The following EZR variants were observed in gnomAD, a reference collection of about 807,000 sequenced individuals.
EZR encodes the protein cytovillin 2.
A neutral mutation model predicts 74.8 loss-of-function variants in EZR; 40 were observed. The observed-to-expected ratio is 0.53, with a 90% confidence interval of 0.42 to 0.70. The LOEUF (loss-of-function observed/expected upper bound fraction) is 0.70. EZR is among the 30% of genes least tolerant of loss of function. The pLI, the probability that EZR is intolerant of heterozygous loss-of-function variation, is 0.00. For missense variants in EZR, 678 were observed against 755.8 expected, an observed-to-expected ratio of 0.90 and a Z score of 1.21; for synonymous variants, 341 against 283.3, an observed-to-expected ratio of 1.20 and a Z score of -2.05.
chr6:158,805,509 G>T (rs1294077793), intron 2 of EZR, among the ~76,000 whole-genome samples: 1 of 152,048 alleles, frequency 6.6e-6, no homozygotes, highest in Non-Finnish European at 1.5e-5. Flanking sequence ...CATTTCTCCT[G>T]TAAGAAACTT....
intron 8 of EZR, among the ~76,000 whole-genome samples, chr6:158,775,462 AT>A (rs1791249807): frequency 6.6e-6 from 1 of 152,230 alleles, no homozygotes; most frequent in Non-Finnish European, 1.5e-5. Flanking sequence ...TTCTAAGTGG[AT>A]TTACCATTGC....
intron 2 of EZR, among the ~76,000 whole-genome samples, chr6:158,791,322 C>A (rs942967467): frequency 1.3e-5 from 2 of 152,144 alleles, no homozygotes; most frequent in Non-Finnish European, 2.9e-5. Flanking sequence ...AATATAAAAA[C>A]CTACTTTTCT....
chr6:158,779,864 C>T (rs1039675980), intron 7 of EZR, among the ~76,000 whole-genome samples: 1 of 152,018 alleles, frequency 6.6e-6, no homozygotes, highest in African/African-American at 2.4e-5. Context: ...GTATGAGCCA[C>T]CATGCCCAGC....
intron 2 of EZR, among the ~76,000 whole-genome samples, chr6:158,807,314 CAA>C (rs56041297): frequency 0.27 from 37,027 of 136,270 alleles, 6,040 homozygotes; most frequent in African/African-American, 0.48. Context: ...GACTCCGTCT[CAA>C]AAAAAAAAAA....
chr6:158,790,511 T>C (rs1370776156), intron 2 of EZR, among the ~76,000 whole-genome samples: 4 of 152,108 alleles, frequency 2.6e-5, no homozygotes, highest in African/African-American at 7.2e-5. Context: ...CCTATCTCTA[T>C]TAAAAATACA....
chr6:158,796,090 G>A (rs1777064533), intron 2 of EZR, among the ~76,000 whole-genome samples: 1 of 152,148 alleles, frequency 6.6e-6, no homozygotes, highest in African/African-American at 2.4e-5. Context: ...GGGGACACAT[G>A]CCAATGGAAC....
At chr6:158,785,267 G>A (rs545440648) in intron 5 of EZR, 42 bp downstream of exon 5, 18 of 1,603,406 alleles carry the variant, frequency 1.1e-5, no homozygotes, top group Admixed American at 8.4e-5. Flanking sequence ...TGCCGAGGAC[G>A]GCATGACTGC....
intron 8 of EZR, among the ~76,000 whole-genome samples, chr6:158,775,742 T>C (rs1791257836): frequency 1.3e-5 from 2 of 152,276 alleles, no homozygotes; most frequent in African/African-American, 2.4e-5. Flanking sequence ...TATGTGCGTA[T>C]GTCTCAAATA....
At chr6:158,804,730 G>T (rs749580705) in intron 2 of EZR, among the ~76,000 whole-genome samples, 3 of 150,442 alleles carry the variant, frequency 2.0e-5, no homozygotes, top group Non-Finnish European at 3.0e-5. Flanking sequence ...TGCAAATTTA[G>T]AAGCCTGTGA....
intron 2 of EZR, among the ~76,000 whole-genome samples, chr6:158,805,993 C>T (rs575464413): frequency 8.1e-4 from 123 of 152,354 alleles, no homozygotes; most frequent in African/African-American, 2.9e-3. Context: ...AAGACAATGA[C>T]CTGTTCCCAG....
intron 2 of EZR, among the ~76,000 whole-genome samples, chr6:158,802,955 G>A (rs571471535): frequency 1.3e-5 from 2 of 151,196 alleles, no homozygotes; most frequent in Non-Finnish European, 2.9e-5. Context: ...CCACAGGGAA[G>A]CAGGAACTCA....
intron 2 of EZR, among the ~76,000 whole-genome samples, chr6:158,813,326 C>A (rs1777487348): frequency 6.6e-6 from 1 of 152,238 alleles, no homozygotes; most frequent in Non-Finnish European, 1.5e-5. Flanking sequence ...ATGTACCCCT[C>A]TTCAGGCATA....
At chr6:158,795,188 G>A (rs1173844177) in intron 2 of EZR, among the ~76,000 whole-genome samples, 1 of 152,116 alleles carries the variant, frequency 6.6e-6, no homozygotes, top group African/African-American at 2.4e-5. Context: ...GGAGGCGGAG[G>A]TTGCAATGAG....
chr6:158,794,834 TA>T (rs566415375), intron 2 of EZR, among the ~76,000 whole-genome samples: 189 of 152,306 alleles, frequency 1.2e-3, no homozygotes, highest in African/African-American at 4.3e-3. Flanking sequence ...GGTGGTGATT[TA>T]AGTTTAACTT....
intron 8 of EZR, 79 bp from the exon 9 acceptor site, chr6:158,771,486 C>CA: frequency 6.9e-7 from 1 of 1,446,048 alleles, no homozygotes; most frequent in South Asian, 1.4e-5. Flanking sequence ...CACAAAGGTC[C>CA]AGAACTTTTC....
intron 9 of EZR, 123 bp from the exon 10 acceptor site, chr6:158,771,017 TGCTGCCAGCCTGA>T (rs1791090232): frequency 2.8e-6 from 4 of 1,451,994 alleles, no homozygotes; most frequent in African/African-American, 1.4e-5. Flanking sequence ...CACCCTAGCC[TGCTGCCAGCCTGA>T]GCTGCCTGAC....
At chr6:158,799,898 A>G (rs1777154912) in intron 2 of EZR, among the ~76,000 whole-genome samples, 1 of 152,226 alleles carries the variant, frequency 6.6e-6, no homozygotes, top group African/African-American at 2.4e-5. Flanking sequence ...TCCATGTATT[A>G]TATGAAGCGA....
chr6:158,784,443 T>C (rs3127217), intron 6 of EZR, among the ~76,000 whole-genome samples: 77,395 of 151,974 alleles, frequency 0.51, 20,882 homozygotes, highest in Non-Finnish European at 0.61. Flanking sequence ...TGAGCTAAAC[T>C]GCTTCTTTCC....
At chr6:158,811,405 TCTAA>T (rs1160506839) in intron 2 of EZR, among the ~76,000 whole-genome samples, 2 of 121,870 alleles carry the variant, frequency 1.6e-5, no homozygotes, top group African/African-American at 2.9e-5. Flanking sequence ...AGCTGAAACA[TCTAA>T]CTACCATTAG....
Sources: gnomAD v4.1 joint callset for allele counts (sites outside exome capture counted in the v4.1 genomes callset) on GRCh38, gnomAD v4.1.1 for gene constraint, MANE v1.5 for transcripts, NCBI Gene and HGNC (gene_info 2026-07-23, HGNC 2026-07-21) for gene names.